Variants in ABCC6 observed in about 807,000 individuals in gnomAD.
ABCC6 encodes the protein ATP binding cassette subfamily C member 6, also known as ATP-binding cassette sub-family C member 6.
A neutral mutation model predicts 169.5 loss-of-function variants in ABCC6; 126 were observed. The observed-to-expected ratio is 0.74, with a 90% CI of 0.64 to 0.86. ABCC6 has a LOEUF of 0.86. Among genes scored for constraint, ABCC6 ranks in the 40% least tolerant of loss-of-function variants. ABCC6 has a pLI of 0.00. For synonymous variants in ABCC6, 752 were observed against 814.7 expected (o/e 0.92, Z 1.31); for missense variants, 1,733 against 1,927.2 (o/e 0.90, Z 1.89).
chr16:16,198,170 A>G lies in ABCC6; in HGVS notation c.1189T>C (p.Ser397Pro). ...GCACTGGCCTTTCTGGAGCCGCTGG[A>G]CAGAGCCAGGACCTGGCGGGTGGGC... Reference protein sequence around the residue: ...GLVYRKVLALSSGSRKASAVG... With the variant: ...GLVYRKVLALPSGSRKASAVG... Residue 397 changes from serine (S) to proline (P), a missense_variant, in exon 10 of 31, where the codon TCC becomes CCC. Physicochemically the swap from Ser to Pro is moderately conservative, Grantham distance 74. Coordinates refer to ENST00000205557, the MANE Select transcript of ABCC6 (RefSeq NM_001171.6). 6.2e-7 allele frequency: 1 copy of G among 1,602,734 alleles called. No homozygotes were observed. Among genetic ancestry groups the G allele is most frequent in the South Asian group, 1.1e-5 (1 of 89,462 alleles).
At chr16:16,211,258 G>A (rs552157927) in intron 6 of ABCC6, among the ~76,000 whole-genome samples, 2 of 151,580 alleles carry the variant, frequency 1.3e-5, no homozygotes, top group Admixed American at 6.6e-5. Flanking sequence ...AAAATTAGCC[G>A]AGCATAGTGG....
chr16:16,175,386 T>A (rs1053877147), intron 20 of ABCC6, among the ~76,000 whole-genome samples: 1 of 152,210 alleles, frequency 6.6e-6, no homozygotes. Context: ...CAGCAGGTCC[T>A]TCTGCTGCCG....
intron 10 of ABCC6, among the ~76,000 whole-genome samples, chr16:16,197,523 G>A (rs1320786848): frequency 6.6e-6 from 1 of 150,710 alleles, no homozygotes; most frequent in Admixed American, 6.6e-5. Context: ...CGGTAGAGGA[G>A]AAGAAGGGAG....
chr16:16,168,491 A>ATG lies in ABCC6; in HGVS notation c.2995+1153_2995+1154dup, dbSNP rs537512947. ...ACAAAGCCAGACCCAGTCTATATAT[A>ATG]TGTGTGTGTGTGTATAAATAAGAAG... On this transcript the variant is annotated intron_variant, in intron 22 of 30. Coordinates refer to ENST00000205557, the MANE Select transcript of ABCC6 (RefSeq NM_001171.6). 1.3e-4 allele frequency among the ~76,000 whole-genome samples: 20 copies of ATG among 151,916 alleles called. No individual in the cohort carries two copies. In the South Asian group the frequency reaches 3.1e-3, roughly 24 times the overall value.
chr16:16,211,972 G>A (rs2152293332), intron 6 of ABCC6, among the ~76,000 whole-genome samples: 1 of 148,670 alleles, frequency 6.7e-6, no homozygotes, highest in East Asian at 2.0e-4. Flanking sequence ...AACAGGCAGA[G>A]CCGGGATTCA....
chr16:16,190,117 C>T (rs1205997024), intron 12 of ABCC6, 47 bp downstream of exon 12: 6 of 1,606,948 alleles, frequency 3.7e-6, no homozygotes, highest in African/African-American at 1.3e-5. Context: ...CCCACCCCCG[C>T]ACTCCTTCCC....
chr16:16,193,716 AAAAC>A (rs756524812), intron 10 of ABCC6, among the ~76,000 whole-genome samples: 158 of 152,306 alleles, frequency 1.0e-3, no homozygotes, highest in East Asian at 5.4e-3. Flanking sequence ...TCCGTCTCAA[AAAAC>A]AAACAAACAA....
chr16:16,208,939 C>T, intron 6 of ABCC6, 80 bp from the exon 7 acceptor site: 11 of 1,611,934 alleles, frequency 6.8e-6, no homozygotes, highest in Non-Finnish European at 9.3e-6. Flanking sequence ...AGCTGTGTGA[C>T]CCTGGGTAAG....
chr16:16,203,907 T>C (rs2048319541), intron 7 of ABCC6, among the ~76,000 whole-genome samples: 1 of 152,074 alleles, frequency 6.6e-6, no homozygotes, highest in South Asian at 2.1e-4. Flanking sequence ...TAAGACCCCC[T>C]GAGAAGCCAG....
At chr16:16,184,906 T>G (rs1321651855) in intron 15 of ABCC6, 53 bp downstream of exon 15, 1 of 1,555,168 alleles carries the variant, frequency 6.4e-7, no homozygotes, top group Admixed American at 1.7e-5. Flanking sequence ...AGGAGCCCCA[T>G]GCATCTTCTC....
intron 27 of ABCC6, 146 bp from the exon 28 acceptor site, chr16:16,155,177 C>T (rs1201138953): frequency 2.1e-6 from 2 of 934,466 alleles, no homozygotes; most frequent in Admixed American, 2.5e-5. Context: ...CATCTGTCTA[C>T]CTTTCTATAT....
intron 23 of ABCC6, among the ~76,000 whole-genome samples, chr16:16,165,039 T>C (rs2046832780): frequency 6.6e-6 from 1 of 152,250 alleles, no homozygotes; most frequent in Non-Finnish European, 1.5e-5. Flanking sequence ...CAATGCCTTT[T>C]TGGCTTCCAG....
chr16:16,166,445 T>C (rs180819252), intron 22 of ABCC6, among the ~76,000 whole-genome samples: 80 of 152,118 alleles, frequency 5.3e-4, no homozygotes, highest in Admixed American at 8.5e-4. Context: ...ATAAGAATAC[T>C]AGAGGATACT....
intron 10 of ABCC6, among the ~76,000 whole-genome samples, chr16:16,196,638 A>C (rs4780600): frequency 2.0e-5 from 3 of 152,146 alleles, no homozygotes; most frequent in Non-Finnish European, 4.4e-5. Context: ...TTCACAACTG[A>C]TAAGTGGTCA....
chr16:16,190,898 G>C (rs969925344), intron 11 of ABCC6, among the ~76,000 whole-genome samples: 13 of 122,310 alleles, frequency 1.1e-4, no homozygotes, highest in African/African-American at 3.6e-4. Flanking sequence ...GAGGGGAGGG[G>C]CTTGAGATGG....
intron 29 of ABCC6, 144 bp from the exon 30 acceptor site, chr16:16,150,916 G>A: frequency 6.7e-7 from 1 of 1,491,172 alleles, no homozygotes; most frequent in African/African-American, 1.4e-5. Context: ...TCTGGGGTCT[G>A]TGGTCTGCAG....
chr16:16,150,335 CCA>C, intron 30 of ABCC6, 94 bp from the exon 31 acceptor site: 2 of 1,579,790 alleles, frequency 1.3e-6, no homozygotes, highest in Non-Finnish European at 1.7e-6. Context: ...GAGGTTTTCT[CCA>C]TAGAAGTCCT....
At chr16:16,203,208 G>A (rs2048297988) in intron 8 of ABCC6, among the ~76,000 whole-genome samples, 1 of 152,252 alleles carries the variant, frequency 6.6e-6, no homozygotes. Flanking sequence ...AGTCAGGTAA[G>A]AGCTTGCTTA....
chr16:16,198,217 G>A (rs1461722008), intron 9 of ABCC6, 35 bp from the exon 10 acceptor site: 1 of 1,558,868 alleles, frequency 6.4e-7, no homozygotes, highest in Non-Finnish European at 8.7e-7. Flanking sequence ...AGTAAAGTGG[G>A]GAGGCCGGGG....
Sources: gnomAD v4.1 joint callset for allele counts (sites outside exome capture counted in the v4.1 genomes callset) on GRCh38, gnomAD v4.1.1 for gene constraint, MANE v1.5 for transcripts, NCBI Gene and HGNC (gene_info 2026-07-23, HGNC 2026-07-21) for gene names.